CCDC91: variants seen among roughly 807,000 people sequenced by gnomAD.
CCDC91 encodes coiled-coil domain containing 91.
CCDC91 carries 48 observed loss-of-function variants against 63.2 expected under a neutral mutation model. The ratio of observed to expected loss-of-function variants is 0.76; its 90% confidence interval spans 0.60 to 0.97. The LOEUF (loss-of-function observed/expected upper bound fraction) is 0.97, where lower values mean the gene tolerates loss of function less well. Ranked by LOEUF, CCDC91 falls within the 50% of genes least tolerant of loss-of-function variation. CCDC91 has a pLI of 0.00. For missense variants in CCDC91, 500 were observed against 494.6 expected (o/e 1.01, Z -0.10); for synonymous variants, 167 against 165.8 (o/e 1.01, Z -0.06).
chr12:28,239,923 G>A (rs1945228845), intron 1 of CCDC91, among the ~76,000 whole-genome samples: 1 of 152,112 alleles, frequency 6.6e-6, no homozygotes, highest in East Asian at 1.9e-4. Flanking sequence ...GGAGAACAGT[G>A]TTGCTCAAAT....
At chr12:28,524,640 T>C (rs1220762318) in intron 12 of CCDC91, among the ~76,000 whole-genome samples, 2 of 152,168 alleles carry the variant, frequency 1.3e-5, no homozygotes, top group Non-Finnish European at 2.9e-5. Flanking sequence ...GGCGTCCCTC[T>C]TTTTCTGTCT....
At chr12:28,525,580 G>A (rs1429784554) in intron 12 of CCDC91, among the ~76,000 whole-genome samples, 1 of 152,056 alleles carries the variant, frequency 6.6e-6, no homozygotes, top group East Asian at 1.9e-4. Flanking sequence ...TTCTGTGGTT[G>A]TTGGGTAGAA....
In CCDC91 at chr12:28,452,609, T is replaced by C. The variant is rs1354560196; in HGVS notation, c.1056T>C (p.Ser352=). ...TEHAKDQEKV[S]QEIQKAIQEQ... ...ATGCAAAAGATCAAGAAAAAGTATC[T>C]CAGGAAATTCAAAAAGCTATACAAG... Residue 352 remains serine (S), a synonymous_variant, in exon 11 of 13, where the codon TCT becomes TCC. Transcript: ENST00000536442. 4 of 1,574,562 alleles carry C rather than the reference T, an allele frequency of 2.5e-6. No individual in the cohort carries two copies. The African/African-American group carries it at 5.5e-5, about 22-fold the overall frequency.
intron 6 of CCDC91, among the ~76,000 whole-genome samples, chr12:28,352,020 T>C (rs554381549): frequency 6.6e-6 from 1 of 152,320 alleles, no homozygotes; most frequent in East Asian, 1.9e-4. Flanking sequence ...AAAGCAAATA[T>C]TGCAGTAAGT....
chr12:28,409,408 C>G (rs892102978), intron 8 of CCDC91, among the ~76,000 whole-genome samples: 16 of 152,000 alleles, frequency 1.1e-4, no homozygotes, highest in African/African-American at 3.6e-4. Flanking sequence ...GTGATTATCT[C>G]TTGTCTTAGT....
At chr12:28,203,216 A>C (rs1440919584) in intron 1 of CCDC91, among the ~76,000 whole-genome samples, 1 of 152,128 alleles carries the variant, frequency 6.6e-6, no homozygotes, top group African/African-American at 2.4e-5. Flanking sequence ...AAAATCAGCC[A>C]TTTTTCTGTA....
chr12:28,244,526 T>TTTTTTTTTTTTTTC (rs3064708), intron 1 of CCDC91, among the ~76,000 whole-genome samples: 1 of 111,220 alleles, frequency 9.0e-6, no homozygotes, highest in African/African-American at 3.0e-5. Context: ...TTTTTTTTTT[T>TTTTTTTTTTTTTTC]ACAGCTCTAC....
chr12:28,412,797 A>C (rs772848899), intron 8 of CCDC91: 2 of 453,434 alleles, frequency 4.4e-6, no homozygotes, highest in Non-Finnish European at 8.8e-6. Context: ...TGCTTTTAGA[A>C]TCCTGCTGAT....
intron 11 of CCDC91, 134 bp downstream of exon 11, chr12:28,452,788 AT>A (rs1949875118): frequency 2.6e-6 from 1 of 384,900 alleles, no homozygotes; most frequent in Non-Finnish European, 4.6e-6. Context: ...TTTAATTTTC[AT>A]TTTGATGTTT....
At chr12:28,414,696 G>T (rs11049580) in intron 8 of CCDC91, among the ~76,000 whole-genome samples, 61,133 of 151,898 alleles carry the variant, frequency 0.4, 12,548 homozygotes, top group Middle Eastern at 0.48. Context: ...AATATTCCTT[G>T]TATTCATTTA....
chr12:28,469,283 A>G (rs1437795369), intron 11 of CCDC91, among the ~76,000 whole-genome samples: 1 of 152,108 alleles, frequency 6.6e-6, no homozygotes, highest in African/African-American at 2.4e-5. Context: ...TAGCATTTCT[A>G]TATGCTAAAT....
At chr12:28,379,608 A>G (rs1945165290) in intron 7 of CCDC91, among the ~76,000 whole-genome samples, 1 of 152,226 alleles carries the variant, frequency 6.6e-6, no homozygotes, top group South Asian at 2.1e-4. Context: ...CCACAGTGAG[A>G]TACCATCTCA....
At chr12:28,280,526 T>A (rs1426709432) in intron 3 of CCDC91, among the ~76,000 whole-genome samples, 1 of 152,140 alleles carries the variant, frequency 6.6e-6, no homozygotes, top group Non-Finnish European at 1.5e-5. Flanking sequence ...TAATATATAA[T>A]ATAGAATTCT....
At chr12:28,429,489 C>G (rs916447530) in intron 8 of CCDC91, among the ~76,000 whole-genome samples, 2 of 151,788 alleles carry the variant, frequency 1.3e-5, no homozygotes, top group African/African-American at 4.8e-5. Flanking sequence ...TCATGGGAAA[C>G]ATATAAAATG....
chr12:28,248,692 T>C (rs900877080), intron 1 of CCDC91, among the ~76,000 whole-genome samples: 2 of 152,238 alleles, frequency 1.3e-5, no homozygotes, highest in South Asian at 2.1e-4. Flanking sequence ...GCATGAGATA[T>C]AACAATAGTG....
At chr12:28,452,796 G>A (rs1949875599) in intron 11 of CCDC91, 142 bp downstream of exon 11, 1 of 380,394 alleles carries the variant, frequency 2.6e-6, no homozygotes, top group Admixed American at 4.6e-5. Context: ...TCATTTTGAT[G>A]TTTATATTTT....
At chr12:28,341,567 A>G (rs1313453871) in intron 6 of CCDC91, among the ~76,000 whole-genome samples, 2 of 152,184 alleles carry the variant, frequency 1.3e-5, no homozygotes, top group Non-Finnish European at 2.9e-5. Context: ...TTGTAACCTG[A>G]TGTCTCCATA....
chr12:28,499,202 A>G (rs1448958992), intron 12 of CCDC91, among the ~76,000 whole-genome samples: 1 of 151,598 alleles, frequency 6.6e-6, no homozygotes. Context: ...TGAAAAATCA[A>G]TCCTTGAATG....
chr12:28,311,358 G>A (rs1182563589), intron 6 of CCDC91, among the ~76,000 whole-genome samples: 1 of 152,004 alleles, frequency 6.6e-6, no homozygotes, highest in East Asian at 1.9e-4. Context: ...TCTGACACAG[G>A]AAAGGAGGGA....
Sources: allele counts gnomAD v4.1 joint callset (sites outside exome capture counted in the v4.1 genomes callset), GRCh38; gene constraint gnomAD v4.1.1; transcripts MANE v1.5; gene names NCBI Gene and HGNC (gene_info 2026-07-23, HGNC 2026-07-21).